Variants in CELF5 observed in about 807,000 individuals in gnomAD.
CELF5 encodes CUGBP Elav-like family member 5.
A neutral mutation model predicts 54.9 loss-of-function variants in CELF5; 6 were observed. That is an observed-to-expected ratio of 0.11 (90% CI 0.06 to 0.22). CELF5 has a LOEUF of 0.22. Among genes scored for constraint, CELF5 ranks in the 10% least tolerant of loss-of-function variants. The pLI, the probability that CELF5 is intolerant of heterozygous loss-of-function variation, is 1.00. For synonymous variants in CELF5, 271 were observed against 290.9 expected, an observed-to-expected ratio of 0.93 and a Z score of 0.70; for missense variants, 401 against 678.6, an observed-to-expected ratio of 0.59 and a Z score of 4.54.
Position 3,263,905 on chromosome 19 carries a change from G to A in CELF5, c.343-9967G>A, listed in dbSNP as rs571355546. On this transcript the variant is annotated intron_variant, in intron 2 of 12. Transcript: ENST00000292672. ...GGGCGATACAGTGAGACTCAGTCTCGAAAATAAATAAATAAATAATAAATA... is the reference window on the plus strand; with the variant it reads ...GGGCGATACAGTGAGACTCAGTCTCAAAAATAAATAAATAAATAATAAATA... 3.3e-5 allele frequency among the ~76,000 whole-genome samples: 5 copies of A among 151,832 alleles called. No homozygotes were observed. In the East Asian group the frequency reaches 5.8e-4, roughly 18 times the overall value.
intron 11 of CELF5, among the ~76,000 whole-genome samples, chr19:3,291,039 C>T (rs1247140079): frequency 1.3e-5 from 2 of 151,080 alleles, no homozygotes; most frequent in Non-Finnish European, 3.0e-5. Context: ...GGTGTGAGGA[C>T]CCCTTGAACC....
chr19:3,271,722 G>A (rs1488796938), intron 2 of CELF5, among the ~76,000 whole-genome samples: 2 of 152,144 alleles, frequency 1.3e-5, no homozygotes, highest in Non-Finnish European at 2.9e-5. Context: ...GAGGGGGTGG[G>A]AGGTGGAAAT....
intron 8 of CELF5, 48 bp from the exon 9 acceptor site, chr19:3,284,854 A>C (rs1316914563): frequency 1.3e-6 from 2 of 1,560,274 alleles, no homozygotes; most frequent in African/African-American, 2.7e-5. Flanking sequence ...GGGTGGATGG[A>C]AGACTTCTGC....
At chr19:3,256,120 T>C (rs749007783) in intron 2 of CELF5, among the ~76,000 whole-genome samples, 1 of 151,952 alleles carries the variant, frequency 6.6e-6, no homozygotes, top group Non-Finnish European at 1.5e-5. Flanking sequence ...TAAGCCTTTA[T>C]ATTCTGGTCC....
chr19:3,251,981 G>A (rs2145066455), intron 2 of CELF5, among the ~76,000 whole-genome samples: 1 of 151,728 alleles, frequency 6.6e-6, no homozygotes, highest in African/African-American at 2.4e-5. Flanking sequence ...GGCCAACACA[G>A]GGGCTTCTTC....
chr19:3,264,177 G>A (rs529046163), intron 2 of CELF5, among the ~76,000 whole-genome samples: 3 of 152,090 alleles, frequency 2.0e-5, no homozygotes, highest in Non-Finnish European at 4.4e-5. Context: ...AGTAGGCTGA[G>A]GCAGGAGGAT....
rs767762633 is a variant in CELF5 at position 3,282,478 on chromosome 19, A to C, written c.1019A>C (p.Asn340Thr). 1.2e-6 allele frequency: 2 copies of C among 1,613,382 alleles called. No homozygotes were observed. Among genetic ancestry groups the C allele is most frequent in the Non-Finnish European group, 1.7e-6 (2 of 1,179,920 alleles). Residue 340 changes from asparagine to threonine, a missense_variant, in exon 8 of 13, where the codon AAT becomes ACT. Coordinates refer to ENST00000292672, the MANE Select transcript of CELF5 (RefSeq NM_021938.4). This position sits in a 1 kb window ranked among gnomAD's most constrained non-coding sequence, Gnocchi z 5.2. ...GHPALETVYA[N>T]GLVPYPAQSP... is the part of the protein sequence containing the mutation. ...CCTGCCCTGGAAACCGTCTATGCCA[A>C]TGGCCTTGTGCCCTACCCAGGTAAA...
rs1917355677 is a variant in CELF5, at chr19:3,233,268, A to G, written c.259+8270A>G. On this transcript the variant is annotated intron_variant, in intron 1 of 12. Coordinates refer to ENST00000292672, the MANE Select transcript of CELF5 (RefSeq NM_021938.4). ...ATGCCACTGCACTCCAATCTGGAAA[A>G]CAGATCTAAACCCTGTCTCAAAATT... is the stretch of plus-strand genomic sequence containing the variant. Among the ~76,000 whole-genome samples the G allele has an allele frequency of 2.0e-5, 3 of 152,130 alleles. No individual in the cohort carries two copies. In the South Asian group the frequency reaches 6.2e-4, roughly 32 times the overall value.
intron 2 of CELF5, among the ~76,000 whole-genome samples, chr19:3,263,904 C>T (rs1204591643): frequency 6.6e-6 from 1 of 151,872 alleles, no homozygotes; most frequent in East Asian, 1.9e-4. Flanking sequence ...GACTCAGTCT[C>T]GAAAATAAAT....
chr19:3,284,770 C>T (rs1441384958), intron 8 of CELF5, 132 bp from the exon 9 acceptor site: 1 of 763,942 alleles, frequency 1.3e-6, no homozygotes, highest in Non-Finnish European at 2.3e-6. Context: ...GCTTCCTGGT[C>T]CTACAGAGGG....
chr19:3,263,332 G>A (rs2079832637), intron 2 of CELF5, among the ~76,000 whole-genome samples: 1 of 151,354 alleles, frequency 6.6e-6, no homozygotes, highest in Non-Finnish European at 1.5e-5. Flanking sequence ...GGAGGCAGAG[G>A]TGGGATTACC....
intron 2 of CELF5, among the ~76,000 whole-genome samples, chr19:3,265,581 C>A (rs1599440873): frequency 6.6e-6 from 1 of 152,156 alleles, no homozygotes; most frequent in East Asian, 1.9e-4. Flanking sequence ...CCCACCCACG[C>A]CATGACAGTT....
At position 3,240,918 on chromosome 19, in the gene CELF5, C is replaced by T. The variant is rs540400277; in HGVS notation, c.260-10067C>T. Reference sequence around the variant, plus strand: ...GAGTGTCCTTTTGGGCTGAGGTCCCCAGCTGCCCGGGCTGGAGAAACTTAT... The same window carrying T: ...GAGTGTCCTTTTGGGCTGAGGTCCCTAGCTGCCCGGGCTGGAGAAACTTAT... On this transcript the variant is annotated intron_variant, in intron 1 of 12. Transcript: ENST00000292672. Among the ~76,000 whole-genome samples the T allele has an allele frequency of 2.0e-5, 3 of 152,240 alleles. No individual in the cohort carries two copies. The East Asian group carries it at 5.8e-4, about 29-fold the overall frequency.
chr19:3,248,061 G>A (rs920984269), intron 1 of CELF5, among the ~76,000 whole-genome samples: 2 of 152,036 alleles, frequency 1.3e-5, no homozygotes, highest in African/African-American at 4.8e-5. Context: ...CACCGCACCC[G>A]GCCCATCTTA....
intron 1 of CELF5, among the ~76,000 whole-genome samples, chr19:3,226,139 C>T (rs1352546310): frequency 6.6e-6 from 1 of 152,206 alleles, no homozygotes; most frequent in Non-Finnish European, 1.5e-5. Context: ...CCCTCCCCCT[C>T]CCATCCTCCA....
intron 5 of CELF5, among the ~76,000 whole-genome samples, chr19:3,279,769 C>G (rs1273841447): frequency 1.3e-5 from 2 of 152,142 alleles, no homozygotes; most frequent in Non-Finnish European, 2.9e-5. Flanking sequence ...ATGGGGCAAT[C>G]TCAGCTCACT....
At chr19:3,264,303 G>GTTT (rs11419528) in intron 2 of CELF5, among the ~76,000 whole-genome samples, 23 of 144,212 alleles carry the variant, frequency 1.6e-4, no homozygotes, top group African/African-American at 2.6e-4. Flanking sequence ...AGCACTAGGT[G>GTTT]TTTTTTTTTT....
chr19:3,224,705 G>GC lies in CELF5; in HGVS notation c.-33dup. 2 of 970,304 alleles carry GC rather than the reference G, an allele frequency of 2.1e-6. No individual in the cohort carries two copies. Among genetic ancestry groups the GC allele is most frequent in the Non-Finnish European group, 2.5e-6 (2 of 810,782 alleles). 60.1% of individuals were successfully genotyped at this position (970,304 alleles called of 1,614,324 possible). On this transcript the variant is annotated 5_prime_UTR_variant, in exon 1 of 13. Coordinates refer to ENST00000292672, the MANE Select transcript of CELF5 (RefSeq NM_021938.4). ...CCAGCTGCGAGTCCGCCCGCCGCCC[G>GC]CCGCCGCCGCCGCCGGCTCGGTCCC...
chr19:3,245,386 A>G (rs1367471392), intron 1 of CELF5, among the ~76,000 whole-genome samples: 2 of 126,178 alleles, frequency 1.6e-5, no homozygotes, highest in East Asian at 5.0e-4. Flanking sequence ...GTGTGTATGC[A>G]TCTGTGTGTG....
Sources: gnomAD v4.1 joint callset for allele counts (sites outside exome capture counted in the v4.1 genomes callset) on GRCh38, gnomAD v4.1.1 for gene constraint, Gnocchi (gnomAD v3.1) non-coding constraint, MANE v1.5 for transcripts, NCBI Gene and HGNC (gene_info 2026-07-23, HGNC 2026-07-21) for gene names.